Variants in ESRRG observed in about 807,000 individuals in gnomAD.
ESRRG encodes estrogen-related receptor gamma.
A neutral mutation model predicts 44.0 loss-of-function variants in ESRRG; 13 were observed. The observed-to-expected ratio is 0.30, with a 90% CI of 0.19 to 0.47. ESRRG has a LOEUF of 0.47. Ranked by LOEUF, ESRRG falls within the 20% of genes least tolerant of loss-of-function variation. The pLI, the probability that ESRRG is intolerant of heterozygous loss-of-function variation, is 1.00. For missense variants in ESRRG, 395 were observed against 580.6 expected, an observed-to-expected ratio of 0.68 and a Z score of 3.29; for synonymous variants, 215 against 214.6, an observed-to-expected ratio of 1.00 and a Z score of -0.02.
intron 3 of ESRRG, among the ~76,000 whole-genome samples, chr1:216,604,096 A>G (rs1281089839): frequency 6.6e-6 from 1 of 152,192 alleles, no homozygotes; most frequent in African/African-American, 2.4e-5. Flanking sequence ...CCTGTGTTAG[A>G]GTCCAGACAG....
chr1:216,764,523 C>T (rs993025201), intron 2 of ESRRG, among the ~76,000 whole-genome samples: 1 of 152,050 alleles, frequency 6.6e-6, no homozygotes, highest in Non-Finnish European at 1.5e-5. Context: ...CCTGCCTAGG[C>T]CTCCCAAAGT....
chr1:216,710,729 T>G (rs2083421368), intron 1 of ESRRG, among the ~76,000 whole-genome samples: 1 of 152,192 alleles, frequency 6.6e-6, no homozygotes, highest in Non-Finnish European at 1.5e-5. Flanking sequence ...GTCCATGGTG[T>G]GGCCAGGACA....
intron 1 of ESRRG, among the ~76,000 whole-genome samples, chr1:216,984,047 ATG>A (rs146016826): frequency 0.091 from 12,176 of 133,846 alleles, 1,703 homozygotes; most frequent in African/African-American, 0.31. Flanking sequence ...GATAATAAGA[ATG>A]GGGGGGGGTA....
intron 3 of ESRRG, among the ~76,000 whole-genome samples, chr1:216,630,243 T>A (rs1370223529): frequency 6.6e-6 from 1 of 152,168 alleles, no homozygotes; most frequent in Admixed American, 6.5e-5. Flanking sequence ...TTTGTTTCAT[T>A]CATTCTCTGG....
intron 2 of ESRRG, among the ~76,000 whole-genome samples, chr1:216,817,702 A>G (rs1036854709): frequency 2.0e-5 from 3 of 152,236 alleles, no homozygotes; most frequent in African/African-American, 7.2e-5. Flanking sequence ...TTAAAACAGT[A>G]TGAAAAAAGT....
At chr1:216,794,664 G>A (rs59729655) in intron 2 of ESRRG, among the ~76,000 whole-genome samples, 3 of 152,038 alleles carry the variant, frequency 2.0e-5, no homozygotes, top group Non-Finnish European at 4.4e-5. Context: ...GATCTCCTCT[G>A]GGAGAGAGTT....
chr1:216,509,322 A>C (rs1455067417), intron 6 of ESRRG, among the ~76,000 whole-genome samples: 1 of 152,234 alleles, frequency 6.6e-6, no homozygotes, highest in Non-Finnish European at 1.5e-5. Context: ...AGTTGTATGA[A>C]AAGTATGTAG....
chr1:216,933,263 A>G (rs1308377497), intron 2 of ESRRG, among the ~76,000 whole-genome samples: 1 of 152,150 alleles, frequency 6.6e-6, no homozygotes, highest in Non-Finnish European at 1.5e-5. Flanking sequence ...AACGGCTCCC[A>G]ATTATTTCTA....
intron 3 of ESRRG, among the ~76,000 whole-genome samples, chr1:216,647,425 G>A (rs949018796): frequency 6.6e-6 from 1 of 152,030 alleles, no homozygotes; most frequent in African/African-American, 2.4e-5. Flanking sequence ...TCAAAGTTTT[G>A]TTGTAGTGTA....
intron 1 of ESRRG, among the ~76,000 whole-genome samples, chr1:216,986,795 T>G (rs772022361): frequency 2.0e-5 from 3 of 152,000 alleles, no homozygotes; most frequent in Non-Finnish European, 4.4e-5. Flanking sequence ...GTCTGGAAAA[T>G]TCTTCTAAAT....
chr1:216,513,704 C>T (rs1280157038), intron 6 of ESRRG, among the ~76,000 whole-genome samples: 1 of 152,122 alleles, frequency 6.6e-6, no homozygotes. Context: ...GTTTACCTTG[C>T]ATAATGGGAT....
intron 1 of ESRRG, among the ~76,000 whole-genome samples, chr1:217,069,528 T>C (rs1386870119): frequency 2.0e-5 from 3 of 152,038 alleles, no homozygotes; most frequent in African/African-American, 7.2e-5. Flanking sequence ...TTGCCTAACC[T>C]TGACTTTAAC....
At chr1:216,879,578 G>A (rs779307158) in intron 2 of ESRRG, among the ~76,000 whole-genome samples, 5 of 151,770 alleles carry the variant, frequency 3.3e-5, no homozygotes, top group African/African-American at 4.8e-5. Flanking sequence ...ACACAGCAGA[G>A]TGAAGAGAGG....
At chr1:216,680,624 C>A (rs2076877182) in intron 1 of ESRRG, among the ~76,000 whole-genome samples, 1 of 152,192 alleles carries the variant, frequency 6.6e-6, no homozygotes, top group South Asian at 2.1e-4. Context: ...TGCAGTGACA[C>A]CTAAACAGAA....
intron 1 of ESRRG, among the ~76,000 whole-genome samples, chr1:216,719,046 A>T (rs992279326): frequency 6.6e-6 from 1 of 152,062 alleles, no homozygotes; most frequent in African/African-American, 2.4e-5. Context: ...TCAGTGCTTA[A>T]CATCACTTTA....
chr1:216,819,233 A>G (rs566420791), intron 2 of ESRRG, among the ~76,000 whole-genome samples: 3 of 152,262 alleles, frequency 2.0e-5, no homozygotes, highest in Non-Finnish European at 4.4e-5. Flanking sequence ...TTTCTCCACA[A>G]CCACAACTCG....
intron 1 of ESRRG, among the ~76,000 whole-genome samples, chr1:216,969,137 T>C (rs983076847): frequency 6.6e-6 from 1 of 152,162 alleles, no homozygotes; most frequent in Non-Finnish European, 1.5e-5. Context: ...ACTTAACAAA[T>C]ATATATGGTG....
chr1:217,134,260 C>G (rs991680639), intron 1 of ESRRG, among the ~76,000 whole-genome samples: 6 of 152,164 alleles, frequency 3.9e-5, no homozygotes, highest in Non-Finnish European at 2.9e-5. Flanking sequence ...GGCACCGACA[C>G]AGACTGGCGC....
chr1:216,914,329 T>C (rs2060863230), intron 2 of ESRRG, among the ~76,000 whole-genome samples: 1 of 152,228 alleles, frequency 6.6e-6, no homozygotes, highest in African/African-American at 2.4e-5. Flanking sequence ...GACTCTAGTG[T>C]AGTATCGCAT....
Sources: gnomAD v4.1 joint callset for allele counts (sites outside exome capture counted in the v4.1 genomes callset) on GRCh38, gnomAD v4.1.1 for gene constraint, MANE v1.5 for transcripts, NCBI Gene and HGNC (gene_info 2026-07-23, HGNC 2026-07-21) for gene names.